TMEM212: variants seen among roughly 807,000 people sequenced by gnomAD.
TMEM212 encodes transmembrane protein 212.
In TMEM212, 23 loss-of-function variants were observed where a neutral mutation model predicts 20.5. The ratio of observed to expected loss-of-function variants is 1.12; its 90% confidence interval spans 0.81 to 1.59. The LOEUF (loss-of-function observed/expected upper bound fraction) is 1.59, where lower values mean the gene tolerates loss of function less well. Ranked by LOEUF, TMEM212 falls within the 40% of genes most tolerant of loss-of-function variation. The pLI, the probability that TMEM212 is intolerant of heterozygous loss-of-function variation, is 0.00. For synonymous variants in TMEM212, 76 were observed against 81.6 expected (o/e 0.93, Z 0.37); for missense variants, 211 against 215.0 (o/e 0.98, Z 0.12).
chr3:171,854,693 A>T (rs6764335), intron 3 of TMEM212, among the ~76,000 whole-genome samples: 152,338 of 152,338 alleles, frequency 1, 76,169 homozygotes, highest in Non-Finnish European at 1. Context: ...GCCAAAGCGA[A>T]CTTGAGAAAG....
At position 171,852,035 on chromosome 3, in the gene TMEM212, GTACC is replaced by G. The variant is rs1724988661; in HGVS notation, c.215_218del (p.Tyr72TrpfsTer9). ...TGGCTTACAGAGAGTGGACCCAGAG[GTACC>G]TGGTAAATATACCGATGCCAAGTAG... On this transcript the variant is annotated frameshift_variant and splice_region_variant, in exon 2 of 5. Transcript: ENST00000334567. LOFTEE classifies it high-confidence loss of function. The G allele has an allele frequency of 6.5e-7, 1 of 1,536,734 alleles. No individual in the cohort carries two copies. Among genetic ancestry groups the G allele is most frequent in the Non-Finnish European group, 8.7e-7 (1 of 1,146,578 alleles).
At chr3:171,850,178 C>T (rs1435335655) in intron 1 of TMEM212, among the ~76,000 whole-genome samples, 1 of 152,164 alleles carries the variant, frequency 6.6e-6, no homozygotes, top group African/African-American at 2.4e-5. Flanking sequence ...TAGCCCTATT[C>T]TATCTCCCAT....
intron 2 of TMEM212, 130 bp from the exon 3 acceptor site, chr3:171,853,397 A>C: frequency 1.3e-5 from 8 of 606,654 alleles, no homozygotes; most frequent in East Asian, 3.3e-5. Flanking sequence ...GAGAGTCGTG[A>C]TTGATTTCTC....
intron 1 of TMEM212, among the ~76,000 whole-genome samples, chr3:171,844,402 T>A (rs1055905828): frequency 1.3e-5 from 2 of 152,116 alleles, no homozygotes; most frequent in East Asian, 3.9e-4. Flanking sequence ...TCTTAAGGAA[T>A]CTTCTATTAA....
In TMEM212 at chr3:171,851,985, A is replaced by G. The variant is rs1724987166; in HGVS notation, c.163A>G (p.Ile55Val). The G allele has an allele frequency of 6.5e-7, 1 of 1,536,908 alleles. No homozygotes were observed. The highest frequency in any genetic ancestry group is 1.2e-5 in the South Asian group (1 of 84,058). Residue 55 changes from isoleucine (I) to valine (V), a missense_variant, in exon 2 of 5, where the codon ATC becomes GTC. Coordinates refer to ENST00000334567, the MANE Select transcript of TMEM212 (RefSeq NM_001164436.2). ...ACPIWNGALA[I>V]TTGVLLLLAY... Reference sequence around the variant, plus strand: ...TTTTTCCATTTTCTTGTCACAGGCCATCACAACTGGTGTGCTTCTACTGTT... The same window carrying G: ...TTTTTCCATTTTCTTGTCACAGGCCGTCACAACTGGTGTGCTTCTACTGTT...
chr3:171,854,113 T>C (rs1725057818), intron 3 of TMEM212, among the ~76,000 whole-genome samples: 1 of 152,112 alleles, frequency 6.6e-6, no homozygotes, highest in African/African-American at 2.4e-5. Context: ...AAATTATTCA[T>C]AGGAACAAGA....
At chr3:171,853,385 G>T (rs1725033592) in intron 2 of TMEM212, 142 bp from the exon 3 acceptor site, 2 of 684,720 alleles carry the variant, frequency 2.9e-6, no homozygotes, top group Non-Finnish European at 2.4e-6. Flanking sequence ...AAAATATAAA[G>T]AGAGAGTCGT....
chr3:171,856,567 C>T, intron 3 of TMEM212, 96 bp from the exon 4 acceptor site: 1 of 525,998 alleles, frequency 1.9e-6, no homozygotes, highest in Non-Finnish European at 3.4e-6. Context: ...AATTTGGGAG[C>T]TAAGTGGACC....
chr3:171,853,705 T>G lies in TMEM212; in HGVS notation c.398T>G (p.Leu133Ter). 1.3e-6 allele frequency: 2 copies of G among 1,537,478 alleles called. No homozygotes were observed. The highest frequency in any genetic ancestry group is 1.7e-4 in the Middle Eastern group (1 of 5,992). The change falls in exon 3 of 5, where the codon TTA becomes TGA. Residue 133 changes from leucine (L) to a stop codon, truncating the protein, a stop_gained. Transcript: ENST00000334567. LOFTEE classifies it high-confidence loss of function. Reference sequence around the variant, plus strand: ...CCTTATCCATATGCAAAATTCCCATTAGCCTGTGTGGACCCACCACACTAC... The same window carrying G: ...CCTTATCCATATGCAAAATTCCCATGAGCCTGTGTGGACCCACCACACTAC... Reference protein sequence around the residue: ...TFPYPYAKFPLACVDPPHYEE... With the variant: ...TFPYPYAKFP
intron 2 of TMEM212, 112 bp downstream of exon 2, chr3:171,852,153 C>T (rs1724991338): frequency 2.4e-6 from 2 of 828,126 alleles, no homozygotes; most frequent in African/African-American, 1.7e-5. Flanking sequence ...TGAATTTGGT[C>T]TAATTGATGC....
intron 1 of TMEM212, among the ~76,000 whole-genome samples, chr3:171,846,662 G>A (rs900690485): frequency 6.6e-6 from 1 of 152,138 alleles, no homozygotes; most frequent in African/African-American, 2.4e-5. Context: ...AGGTCAGGGT[G>A]GTATTTATAT....
At chr3:171,851,047 T>C (rs565350962) in intron 1 of TMEM212, among the ~76,000 whole-genome samples, 226 of 152,214 alleles carry the variant, frequency 1.5e-3, no homozygotes, top group Non-Finnish European at 1.7e-3. Context: ...ATTGTGTACA[T>C]ACAGTCATGC....
chr3:171,853,079 T>C (rs1385263852), intron 2 of TMEM212, among the ~76,000 whole-genome samples: 1 of 152,224 alleles, frequency 6.6e-6, no homozygotes. Context: ...GGGAAACACA[T>C]AAATAAACGT....
At chr3:171,854,726 T>C (rs1215915226) in intron 3 of TMEM212, among the ~76,000 whole-genome samples, 2 of 152,154 alleles carry the variant, frequency 1.3e-5, no homozygotes. Context: ...GACATCACAG[T>C]TCCTGATTTT....
rs534712067 is a variant in TMEM212 at position 171,853,731 on chromosome 3, G to T, written c.424G>T (p.Glu142Ter). Residue 142 changes from glutamate (E) to a stop codon, truncating the protein, a stop_gained, in exon 3 of 5, where the codon GAA becomes TAA. Coordinates refer to ENST00000334567, the MANE Select transcript of TMEM212 (RefSeq NM_001164436.2). LOFTEE classifies it high-confidence loss of function. ...AGCCTGTGTGGACCCACCACACTAC[G>T]AAGAGTACCACCTGACACTTCAAGC... ...PLACVDPPHY[E>*]EYHLTLQALD... is the part of the protein sequence containing the mutation. 1 of 1,537,316 alleles carries T rather than the reference G, an allele frequency of 6.5e-7. No individual in the cohort carries two copies. Among genetic ancestry groups the T allele is most frequent in the Non-Finnish European group, 8.7e-7 (1 of 1,146,920 alleles).
At chr3:171,849,453 CT>C (rs1724921513) in intron 1 of TMEM212, among the ~76,000 whole-genome samples, 1 of 152,142 alleles carries the variant, frequency 6.6e-6, no homozygotes, top group Admixed American at 6.5e-5. Context: ...CTTATTTAGC[CT>C]TTCTGTGCCT....
At chr3:171,847,651 A>G (rs1724867266) in intron 1 of TMEM212, among the ~76,000 whole-genome samples, 1 of 152,204 alleles carries the variant, frequency 6.6e-6, no homozygotes, top group Non-Finnish European at 1.5e-5. Context: ...ATAGCTGAGA[A>G]GCAGCTATAA....
At chr3:171,848,384 A>G (rs1455667837) in intron 1 of TMEM212, among the ~76,000 whole-genome samples, 14 of 152,052 alleles carry the variant, frequency 9.2e-5, no homozygotes, top group Admixed American at 9.2e-4. Context: ...TTTTTCCTAC[A>G]AGGCATACCC....
chr3:171,853,330 A>G (rs1725029058), intron 2 of TMEM212, among the ~76,000 whole-genome samples, 197 bp from the exon 3 acceptor site: 1 of 152,124 alleles, frequency 6.6e-6, no homozygotes, highest in East Asian at 1.9e-4. Context: ...AGTGAAAAAA[A>G]AAAAAAGAAA....
Sources: allele counts gnomAD v4.1 joint callset (sites outside exome capture counted in the v4.1 genomes callset), GRCh38; gene constraint gnomAD v4.1.1; transcripts MANE v1.5; gene names NCBI Gene and HGNC (gene_info 2026-07-23, HGNC 2026-07-21).